The following MIR2052HG variants were observed in gnomAD, a reference collection of about 807,000 sequenced individuals.
MIR2052HG encodes the protein MIR2052 host gene.
Position 74,707,578 on chromosome 8 carries a change from CT to C in MIR2052HG, n.371+3905del, listed in dbSNP as rs34983255. 2.0e-5 allele frequency among the ~76,000 whole-genome samples: 3 copies of C among 151,052 alleles called. 1 individual carries two copies. The Admixed American group carries it at 2.0e-4, about 10-fold the overall frequency. On this transcript the variant is annotated intron_variant and non_coding_transcript_variant, in intron 4 of 6. Coordinates refer to ENST00000523442, the Ensembl canonical transcript of MIR2052HG. The stretch of plus-strand genomic sequence containing the variant: ...TATGCAACTCTTTGTAGTCTTTGGA[CT>C]TTTTTTTTAACTGCAACTGGGGCTA...
Position 74,603,039 on chromosome 8 carries a change from CAA to C in MIR2052HG, n.128+3147_128+3148del, listed in dbSNP as rs34579564. 6.0e-3 allele frequency among the ~76,000 whole-genome samples: 739 copies of C among 123,994 alleles called. 1 individual carries two copies. Among genetic ancestry groups the C allele is most frequent in the African/African-American group, 0.015 (503 of 33,028 alleles). The allele number at this position is 123,994 out of a possible 152,430, so 81.3% of individuals were successfully genotyped here. ...AACAAAACAAAACAAAACAAAACAC[CAA>C]AAAAAAAAAAAAAAATCCCAGGTAG... On this transcript the variant is annotated intron_variant and non_coding_transcript_variant, in intron 1 of 6. Coordinates refer to ENST00000523442, the Ensembl canonical transcript of MIR2052HG.
chr8:74,639,641 T>C (rs1339692968), intron 2 of MIR2052HG, among the ~76,000 whole-genome samples: 2 of 152,210 alleles, frequency 1.3e-5, no homozygotes, highest in Non-Finnish European at 2.9e-5. Flanking sequence ...CCATGATATA[T>C]ATGAAACTCC....
Position 74,698,298 on chromosome 8 carries a change from A to G in MIR2052HG, n.217-4081A>G, listed in dbSNP as rs189756470. On this transcript the variant is annotated intron_variant and non_coding_transcript_variant, in intron 2 of 6. Transcript: ENST00000523442. ...ACAAATGGTGCTGGGATAATTGGCT[A>G]GCCGCATGTAGGAGAATGAAACTGG... 6.6e-5 allele frequency among the ~76,000 whole-genome samples: 10 copies of G among 152,346 alleles called. 1 individual carries two copies. In the East Asian group the frequency reaches 1.9e-3, roughly 29 times the overall value.
chr8:74,689,680 T>C lies in MIR2052HG; in HGVS notation n.217-12699T>C, dbSNP rs376053009. Among the ~76,000 whole-genome samples the C allele has an allele frequency of 1.8e-4, 27 of 152,310 alleles. 1 individual carries two copies. In the East Asian group the frequency reaches 4.6e-3, roughly 26 times the overall value. ...AACATGGTATTTGGGGCAGAAAATGTAAAGAAGGATAAGTCACAATCCCTG... is the reference window on the plus strand; with the variant it reads ...AACATGGTATTTGGGGCAGAAAATGCAAAGAAGGATAAGTCACAATCCCTG... On this transcript the variant is annotated intron_variant and non_coding_transcript_variant, in intron 2 of 6. Coordinates refer to ENST00000523442, the Ensembl canonical transcript of MIR2052HG.
chr8:74,658,384 GCT>G (rs2128736744), intron 2 of MIR2052HG, among the ~76,000 whole-genome samples: 1 of 146,622 alleles, frequency 6.8e-6, no homozygotes, highest in African/African-American at 2.7e-5. Flanking sequence ...TCTTTCTCTC[GCT>G]CTCTTTTTTT....
chr8:74,610,300 A>G (rs1040091895), intron 1 of MIR2052HG, among the ~76,000 whole-genome samples: 1 of 152,004 alleles, frequency 6.6e-6, no homozygotes, highest in Admixed American at 6.5e-5. Context: ...CTTATGAAAT[A>G]GAGAATAATC....
At chr8:74,686,615 ATTCTT>A (rs938231767) in intron 2 of MIR2052HG, among the ~76,000 whole-genome samples, 1 of 152,050 alleles carries the variant, frequency 6.6e-6, no homozygotes, top group African/African-American at 2.4e-5. Context: ...TCTTGAATCT[ATTCTT>A]CAGTTTGTTA....
Position 74,670,361 on chromosome 8 carries a change from G to A in MIR2052HG, n.217-32018G>A, listed in dbSNP as rs142221651. Among the ~76,000 whole-genome samples, 428 of 152,250 alleles carry A rather than the reference G, an allele frequency of 2.8e-3. 2 individuals carry two copies. Among genetic ancestry groups the A allele is most frequent in the African/African-American group, 9.6e-3 (400 of 41,556 alleles). ...AAAAGACAGAGTATGAAAAATTTAA[G>A]TGCTATTCTTTCCGGTAATATGGCA... is the stretch of plus-strand genomic sequence containing the variant. On this transcript the variant is annotated intron_variant and non_coding_transcript_variant, in intron 2 of 6. Transcript: ENST00000523442.
intron 2 of MIR2052HG, among the ~76,000 whole-genome samples, chr8:74,685,051 G>T (rs988259640): frequency 6.6e-6 from 1 of 151,954 alleles, no homozygotes; most frequent in Admixed American, 6.6e-5. Flanking sequence ...TGTAAAATGA[G>T]GATTATGTCA....
Position 74,662,627 on chromosome 8 carries a change from C to G in MIR2052HG, n.217-39752C>G, listed in dbSNP as rs936435211. 3.9e-5 allele frequency among the ~76,000 whole-genome samples: 6 copies of G among 152,124 alleles called. No individual in the cohort carries two copies. In the East Asian group the frequency reaches 1.2e-3, roughly 29 times the overall value. ...GTTCTGTAAGGTATAATTTGAGGGC[C>G]TAAGAAGCCAGACTATTTTCCATGT... On this transcript the variant is annotated intron_variant and non_coding_transcript_variant, in intron 2 of 6. Coordinates refer to ENST00000523442, the Ensembl canonical transcript of MIR2052HG.
rs531253821 is a variant in MIR2052HG, at chr8:74,717,712, G to T, written n.371+14030G>T. Among the ~76,000 whole-genome samples the T allele has an allele frequency of 5.3e-5, 8 of 151,936 alleles. No homozygotes were observed. The South Asian group carries it at 6.2e-4, about 12-fold the overall frequency. Reference sequence around the variant, plus strand: ...GGTGTCTGCTATTCAGGAGGCTGGGGCAGGAGGATTGCCTGAGCCCAGGAG... The same window carrying T: ...GGTGTCTGCTATTCAGGAGGCTGGGTCAGGAGGATTGCCTGAGCCCAGGAG... On this transcript the variant is annotated intron_variant and non_coding_transcript_variant, in intron 4 of 6. Transcript: ENST00000523442.
At chr8:74,660,401 C>A (rs923816989) in intron 2 of MIR2052HG, among the ~76,000 whole-genome samples, 2 of 152,146 alleles carry the variant, frequency 1.3e-5, no homozygotes, top group Non-Finnish European at 2.9e-5. Context: ...CTATCTGGTG[C>A]AATCATCTGT....
chr8:74,633,532 G>A (rs1484917298), intron 2 of MIR2052HG, among the ~76,000 whole-genome samples: 2 of 152,170 alleles, frequency 1.3e-5, no homozygotes, highest in African/African-American at 4.8e-5. Flanking sequence ...CTCCTCCTCA[G>A]AATGCCATCT....
At chr8:74,666,820 T>C (rs572237175) in intron 2 of MIR2052HG, among the ~76,000 whole-genome samples, 106 of 152,308 alleles carry the variant, frequency 7.0e-4, no homozygotes, top group African/African-American at 2.4e-3. Flanking sequence ...AAAACCTTTG[T>C]ATTGCCTCTC....
chr8:74,728,882 A>G (rs770205371), intron 4 of MIR2052HG, among the ~76,000 whole-genome samples: 1 of 152,116 alleles, frequency 6.6e-6, no homozygotes, highest in Non-Finnish European at 1.5e-5. Context: ...CATGGCTCAG[A>G]ATGAACTCTT....
chr8:74,714,976 G>A (rs1809506596), intron 4 of MIR2052HG, among the ~76,000 whole-genome samples: 2 of 151,946 alleles, frequency 1.3e-5, no homozygotes, highest in Non-Finnish European at 1.5e-5. Flanking sequence ...CACAGTGCCC[G>A]GTCCTACTTT....
chr8:74,630,720 A>G (rs1044190931), intron 2 of MIR2052HG, among the ~76,000 whole-genome samples: 2 of 152,150 alleles, frequency 1.3e-5, no homozygotes, highest in Non-Finnish European at 2.9e-5. Context: ...TAGCAACTAC[A>G]TCTCCTTAGC....
intron 4 of MIR2052HG, among the ~76,000 whole-genome samples, chr8:74,710,478 C>T (rs1033163564): frequency 5.9e-5 from 9 of 151,910 alleles, no homozygotes; most frequent in African/African-American, 2.2e-4. Flanking sequence ...TTTAAGTAGA[C>T]CGTAAGAGAA....
chr8:74,694,735 A>G (rs1485536402), intron 2 of MIR2052HG, among the ~76,000 whole-genome samples: 2 of 152,212 alleles, frequency 1.3e-5, no homozygotes, highest in Admixed American at 6.5e-5. Context: ...GAAGTAGAAG[A>G]AAGAATTTCA....
Sources: allele counts gnomAD v4.1 joint callset (sites outside exome capture counted in the v4.1 genomes callset), GRCh38; gene constraint gnomAD v4.1.1; transcripts MANE v1.5; gene names NCBI Gene and HGNC (gene_info 2026-07-23, HGNC 2026-07-21).